The following PCDH15 variants were observed in gnomAD, a reference collection of about 807,000 sequenced individuals.
The protein encoded by PCDH15 is protocadherin-15.
Under a neutral mutation model 178.5 loss-of-function variants are expected in PCDH15, and 129 were observed. That is an observed-to-expected ratio of 0.72 (90% CI 0.63 to 0.84). The LOEUF is 0.84. Among genes scored for constraint, PCDH15 ranks in the 40% least tolerant of loss-of-function variants. PCDH15 has a pLI of 0.00. For missense variants in PCDH15, 2,230 were observed against 2,099.9 expected, an observed-to-expected ratio of 1.06 and a Z score of -1.21; for synonymous variants, 800 against 732.0, an observed-to-expected ratio of 1.09 and a Z score of -1.50.
chr10:53,990,443 A>G (rs1358464876), intron 21 of PCDH15, among the ~76,000 whole-genome samples: 1 of 150,778 alleles, frequency 6.6e-6, no homozygotes, highest in South Asian at 2.1e-4. Flanking sequence ...TATTTCATAA[A>G]TCAGTATTAA....
intron 13 of PCDH15, among the ~76,000 whole-genome samples, chr10:54,156,219 A>T (rs2045129655): frequency 6.6e-6 from 1 of 152,076 alleles, no homozygotes; most frequent in Admixed American, 6.5e-5. Flanking sequence ...CTTTAGCCCT[A>T]CCCTTTCATA....
chr10:55,498,278 G>A (rs1271756890), intron 2 of PCDH15, among the ~76,000 whole-genome samples: 4 of 151,872 alleles, frequency 2.6e-5, no homozygotes, highest in East Asian at 1.9e-4. Flanking sequence ...GATTCTGCAT[G>A]ATACTTGAAC....
intron 2 of PCDH15, among the ~76,000 whole-genome samples, chr10:54,596,827 C>T (rs1383032026): frequency 6.6e-6 from 1 of 151,834 alleles, no homozygotes; most frequent in Non-Finnish European, 1.5e-5. Context: ...AGATTTTAAA[C>T]CAATAAAAAT....
intron 28 of PCDH15, among the ~76,000 whole-genome samples, chr10:53,852,332 G>A (rs2078439572): frequency 6.6e-6 from 1 of 151,984 alleles, no homozygotes; most frequent in Non-Finnish European, 1.5e-5. Flanking sequence ...TGAATTCTAA[G>A]ATCAACTTAA....
intron 1 of PCDH15, among the ~76,000 whole-genome samples, chr10:55,288,402 G>A (rs1435574612): frequency 9.9e-5 from 15 of 151,758 alleles, no homozygotes; most frequent in Admixed American, 7.2e-4. Context: ...CTGAAGAAAC[G>A]TGAATCAAAA....
intron 1 of PCDH15, among the ~76,000 whole-genome samples, chr10:55,170,742 C>G (rs577931968): frequency 1.3e-5 from 2 of 151,896 alleles, no homozygotes; most frequent in African/African-American, 4.8e-5. Context: ...ATTAGCTGGG[C>G]GTGGTGGCAT....
intron 8 of PCDH15, among the ~76,000 whole-genome samples, chr10:54,250,516 C>T (rs959207506): frequency 1.3e-5 from 2 of 151,888 alleles, no homozygotes; most frequent in East Asian, 3.9e-4. Flanking sequence ...ATCTCCTGAC[C>T]TCATGATCCA....
chr10:55,543,962 G>C (rs927202255), intron 2 of PCDH15, among the ~76,000 whole-genome samples: 11 of 150,476 alleles, frequency 7.3e-5, no homozygotes, highest in Non-Finnish European at 1.2e-4. Flanking sequence ...ATATTCATTT[G>C]TTTGAGAATT....
intron 2 of PCDH15, among the ~76,000 whole-genome samples, chr10:54,591,057 A>G (rs1027023395): frequency 2.6e-5 from 4 of 152,046 alleles, no homozygotes; most frequent in Admixed American, 1.3e-4. Context: ...CACATATTGG[A>G]TTTGTCTCTA....
chr10:55,578,900 C>G (rs1353480461), intron 2 of PCDH15, among the ~76,000 whole-genome samples: 2 of 152,138 alleles, frequency 1.3e-5, no homozygotes, highest in African/African-American at 2.4e-5. Flanking sequence ...CCCTATGATT[C>G]AATTACCTCC....
At chr10:54,867,853 A>G (rs142157208) in intron 3 of PCDH15, among the ~76,000 whole-genome samples, 141 of 152,280 alleles carry the variant, frequency 9.3e-4, no homozygotes, top group Admixed American at 1.4e-3. Flanking sequence ...TGGAGGTTCC[A>G]AAGTTTGAGT....
At chr10:55,078,086 G>A (rs1564778082) in intron 2 of PCDH15, among the ~76,000 whole-genome samples, 2 of 152,040 alleles carry the variant, frequency 1.3e-5, no homozygotes, top group African/African-American at 4.8e-5. Context: ...TCATTTTTCT[G>A]GAGTTAGTAT....
intron 28 of PCDH15, among the ~76,000 whole-genome samples, chr10:53,849,103 T>C (rs990970967): frequency 6.6e-6 from 1 of 152,168 alleles, no homozygotes; most frequent in Non-Finnish European, 1.5e-5. Flanking sequence ...GGCTTTCCAT[T>C]GTCTCCAAAA....
intron 14 of PCDH15, among the ~76,000 whole-genome samples, chr10:54,151,661 C>CA (rs562824422): frequency 7.4e-4 from 113 of 152,086 alleles, no homozygotes; most frequent in African/African-American, 2.6e-3. Context: ...TGCTAAAAAA[C>CA]ACAAAAAAAT....
chr10:53,908,898 G>A lies in PCDH15; in HGVS notation c.3374-5528C>T, dbSNP rs559468608. On this transcript the variant is annotated intron_variant, in intron 25 of 37. Coordinates refer to ENST00000644397, the MANE Select transcript of PCDH15 (RefSeq NM_001384140.1). ...AATTTGTTGGTATCAGGAGATTGAA[G>A]TCAGTTCCTCACTTTAAAAACACAC... Among the ~76,000 whole-genome samples the A allele has an allele frequency of 2.6e-5, 4 of 152,324 alleles. No homozygotes were observed. In the South Asian group the frequency reaches 6.2e-4, roughly 24 times the overall value.
intron 25 of PCDH15, among the ~76,000 whole-genome samples, chr10:53,918,930 T>C (rs563442162): frequency 6.6e-6 from 1 of 152,338 alleles, no homozygotes; most frequent in East Asian, 1.9e-4. Flanking sequence ...CCTCTAGGGC[T>C]GTATCTGTTT....
intron 2 of PCDH15, among the ~76,000 whole-genome samples, chr10:54,967,594 C>T (rs1358648592): frequency 6.6e-6 from 1 of 152,056 alleles, no homozygotes; most frequent in African/African-American, 2.4e-5. Context: ...GAGTAGTATT[C>T]CATTGTATTT....
intron 28 of PCDH15, among the ~76,000 whole-genome samples, chr10:53,852,457 T>C (rs577843374): frequency 3.9e-5 from 6 of 152,076 alleles, no homozygotes; most frequent in African/African-American, 1.4e-4. Flanking sequence ...CTTAGGGGAA[T>C]TGGTCAATTT....
chr10:54,556,344 C>T (rs927980636), intron 2 of PCDH15, among the ~76,000 whole-genome samples: 3 of 150,834 alleles, frequency 2.0e-5, no homozygotes, highest in African/African-American at 7.2e-5. Flanking sequence ...TTATACAAGT[C>T]TTCTGCTAGA....
Sources: gnomAD v4.1 joint callset for allele counts (sites outside exome capture counted in the v4.1 genomes callset) on GRCh38, gnomAD v4.1.1 for gene constraint, MANE v1.5 for transcripts, NCBI Gene and HGNC (gene_info 2026-07-23, HGNC 2026-07-21) for gene names.